The following DDR2 variants were observed in gnomAD, a reference collection of about 807,000 sequenced individuals.
The protein encoded by DDR2 is discoidin domain-containing receptor 2.
DDR2 carries 27 observed loss-of-function variants against 94.9 expected under a neutral mutation model. That is an observed-to-expected ratio of 0.28 (90% CI 0.21 to 0.39). DDR2 has a LOEUF of 0.39. Ranked by LOEUF, DDR2 falls within the 10% of genes least tolerant of loss-of-function variation. The pLI is 1.00. For missense variants in DDR2, 783 were observed against 1,076.0 expected (o/e 0.73, Z 3.81); for synonymous variants, 382 against 377.2 (o/e 1.01, Z -0.15).
chr1:162,714,126 G>C (rs945037809), intron 2 of DDR2, among the ~76,000 whole-genome samples: 4 of 151,918 alleles, frequency 2.6e-5, no homozygotes, highest in Non-Finnish European at 4.4e-5. Flanking sequence ...TTATTTACTT[G>C]GCCCATTTTT....
At chr1:162,696,239 A>T (rs1439855957) in intron 2 of DDR2, among the ~76,000 whole-genome samples, 2 of 150,038 alleles carry the variant, frequency 1.3e-5, no homozygotes, top group East Asian at 3.9e-4. Context: ...AACAAATAAC[A>T]CTAAAAGTTT....
chr1:162,651,569 G>A (rs1339561675), intron 1 of DDR2, among the ~76,000 whole-genome samples: 2 of 151,914 alleles, frequency 1.3e-5, no homozygotes, highest in Non-Finnish European at 2.9e-5. Flanking sequence ...ACTATATCTT[G>A]TAATATCCAT....
chr1:162,779,058 G>A (rs1435806663), intron 17 of DDR2, among the ~76,000 whole-genome samples: 1 of 152,016 alleles, frequency 6.6e-6, no homozygotes, highest in Non-Finnish European at 1.5e-5. Flanking sequence ...TTTCTTCTGG[G>A]TCAAAAAATA....
intron 10 of DDR2, 131 bp downstream of exon 10, chr1:162,766,194 T>A: frequency 1.1e-6 from 1 of 918,710 alleles, no homozygotes; most frequent in South Asian, 1.3e-5. Context: ...AGAGTAGCCC[T>A]GGAAAGGTAG....
chr1:162,638,738 T>C (rs1053901146), intron 1 of DDR2, among the ~76,000 whole-genome samples: 7 of 152,142 alleles, frequency 4.6e-5, no homozygotes, highest in South Asian at 2.1e-4. Flanking sequence ...GGGGAGCAAA[T>C]TGACCTCAAT....
intron 3 of DDR2, 82 bp from the exon 4 acceptor site, chr1:162,753,013 T>C: frequency 8.4e-7 from 1 of 1,190,600 alleles, no homozygotes. Context: ...TTGTTCAATA[T>C]TCAGTGATAT....
At chr1:162,662,974 C>T (rs893296042) in intron 2 of DDR2, among the ~76,000 whole-genome samples, 4 of 152,038 alleles carry the variant, frequency 2.6e-5, no homozygotes, top group South Asian at 2.1e-4. Context: ...CCAGCAAGCT[C>T]GATGTCTCTG....
intron 1 of DDR2, among the ~76,000 whole-genome samples, chr1:162,640,348 T>C (rs1020135477): frequency 6.6e-6 from 1 of 152,184 alleles, no homozygotes; most frequent in African/African-American, 2.4e-5. Flanking sequence ...CTGAAAATGA[T>C]GTGTTGATAT....
At chr1:162,757,402 G>T (rs1460450736) in intron 7 of DDR2, among the ~76,000 whole-genome samples, 1 of 151,988 alleles carries the variant, frequency 6.6e-6, no homozygotes, top group South Asian at 2.1e-4. Context: ...AATAGCATGA[G>T]GAAAAAAGAA....
At chr1:162,636,353 C>T (rs1656817262) in intron 1 of DDR2, among the ~76,000 whole-genome samples, 1 of 152,210 alleles carries the variant, frequency 6.6e-6, no homozygotes, top group Non-Finnish European at 1.5e-5. Context: ...ACTCACTACA[C>T]AGCTCCTGAG....
chr1:162,712,336 C>G (rs1660957109), intron 2 of DDR2, among the ~76,000 whole-genome samples: 3 of 151,242 alleles, frequency 2.0e-5, no homozygotes, highest in Admixed American at 2.0e-4. Flanking sequence ...GATAACTTAC[C>G]CTTTCACCAT....
At chr1:162,718,389 C>T (rs1288177804) in intron 2 of DDR2, among the ~76,000 whole-genome samples, 1 of 152,182 alleles carries the variant, frequency 6.6e-6, no homozygotes, top group African/African-American at 2.4e-5. Context: ...TAGGCCTTTT[C>T]AGCGGATGGA....
intron 2 of DDR2, among the ~76,000 whole-genome samples, chr1:162,663,721 G>A (rs988770558): frequency 6.6e-6 from 1 of 152,132 alleles, no homozygotes; most frequent in Non-Finnish European, 1.5e-5. Flanking sequence ...TGGTGACTCA[G>A]CTTTCTGCCT....
At chr1:162,657,620 A>G (rs574534934) in intron 2 of DDR2, among the ~76,000 whole-genome samples, 5 of 152,304 alleles carry the variant, frequency 3.3e-5, no homozygotes, top group Admixed American at 1.3e-4. Context: ...GTCTGGGGCT[A>G]GGGAACTCTG....
chr1:162,732,049 G>T (rs1194753867), intron 3 of DDR2, among the ~76,000 whole-genome samples: 2 of 152,174 alleles, frequency 1.3e-5, no homozygotes, highest in African/African-American at 4.8e-5. Flanking sequence ...TGATCCCTAT[G>T]TTAGTATCCT....
intron 2 of DDR2, among the ~76,000 whole-genome samples, chr1:162,689,455 C>A (rs1014539348): frequency 5.3e-5 from 8 of 152,076 alleles, no homozygotes; most frequent in Non-Finnish European, 8.8e-5. Flanking sequence ...GCAGTTAAGG[C>A]CTAAAGTCTG....
chr1:162,762,575 G>T (rs1030862925), intron 9 of DDR2, among the ~76,000 whole-genome samples: 2 of 151,698 alleles, frequency 1.3e-5, no homozygotes, highest in Non-Finnish European at 2.9e-5. Context: ...TATTTTTTCT[G>T]CATTTCTTAG....
chr1:162,751,127 A>G (rs1663172754), intron 3 of DDR2, among the ~76,000 whole-genome samples: 1 of 152,250 alleles, frequency 6.6e-6, no homozygotes, highest in African/African-American at 2.4e-5. Context: ...AATGGCAACA[A>G]AAGCCAAAAT....
At chr1:162,757,201 A>G (rs1663504136) in intron 7 of DDR2, among the ~76,000 whole-genome samples, 1 of 152,244 alleles carries the variant, frequency 6.6e-6, no homozygotes, top group Non-Finnish European at 1.5e-5. Context: ...TTAAGGGATT[A>G]AAATGTGTGT....
Sources: gnomAD v4.1 joint callset for allele counts (sites outside exome capture counted in the v4.1 genomes callset) on GRCh38, gnomAD v4.1.1 for gene constraint, MANE v1.5 for transcripts, NCBI Gene and HGNC (gene_info 2026-07-23, HGNC 2026-07-21) for gene names.